The following NAV3 variants were observed in gnomAD, a reference collection of about 807,000 sequenced individuals.
The protein encoded by NAV3 is pore membrane and/or filament interacting like protein 1.
Under a neutral mutation model 244.7 loss-of-function variants are expected in NAV3, and 87 were observed. The observed-to-expected ratio is 0.36, with a 90% CI of 0.30 to 0.42. The LOEUF (loss-of-function observed/expected upper bound fraction) is 0.42, where lower values mean the gene tolerates loss of function less well. Ranked by LOEUF, NAV3 falls within the 20% of genes least tolerant of loss-of-function variation. The probability of loss-of-function intolerance (pLI) is 1.00; values close to 1 mark genes in which losing one functional copy is unlikely to be tolerated. For missense variants in NAV3, 2,663 were observed against 2,893.3 expected (o/e 0.92, Z 1.83); for synonymous variants, 1,126 against 1,042.2 (o/e 1.08, Z -1.55).
chr12:78,184,124 G>C (rs1424456423), intron 30 of NAV3, among the ~76,000 whole-genome samples: 1 of 151,742 alleles, frequency 6.6e-6, no homozygotes, highest in Non-Finnish European at 1.5e-5. Flanking sequence ...TTAGCAGAGT[G>C]CTTAAACTAT....
At position 78,059,002 on chromosome 12, in the gene NAV3, G is replaced by T; in HGVS notation, c.2523G>T (p.Met841Ile). The part of the protein sequence containing the change: ...LRTDDINSGY[M>I]TDGGLNLYTR... ...ATTAGACATTTCTTTTCAGGTACAT[G>T]ACAGATGGAGGACTTAACCTATATA... The change falls in exon 12 of 40, where the codon ATG becomes ATT. Residue 841 changes from methionine to isoleucine, a missense_variant. By Grantham distance (10) the Met-to-Ile change is conservative. This residue lies in a region of NAV3 where 1,521 missense variants were observed against 1,497.0 expected (regional missense o/e 1.02). Transcript: ENST00000397909. 6.2e-7 allele frequency: 1 copy of T among 1,600,144 alleles called. No homozygotes were observed. The highest frequency in any genetic ancestry group is 1.1e-5 in the South Asian group (1 of 88,018).
chr12:78,197,150 G>A (rs183429270), intron 34 of NAV3, 97 bp from the exon 35 acceptor site: 9 of 873,828 alleles, frequency 1.0e-5, no homozygotes, highest in Non-Finnish European at 7.8e-6. Flanking sequence ...TGAAAGAAAC[G>A]GAATAGAGGA....
intron 9 of NAV3, among the ~76,000 whole-genome samples, chr12:78,040,175 T>C (rs1020339013): frequency 3.3e-5 from 5 of 152,194 alleles, no homozygotes; most frequent in Non-Finnish European, 5.9e-5. Context: ...CATTTAGTTT[T>C]ATCTTGCCTT....
intron 2 of NAV3, among the ~76,000 whole-genome samples, chr12:77,604,876 T>C (rs190142646): frequency 1.6e-3 from 241 of 152,226 alleles, no homozygotes; most frequent in African/African-American, 5.6e-3. Flanking sequence ...CTACATTGTT[T>C]GAAAAAACTA....
intron 2 of NAV3, among the ~76,000 whole-genome samples, chr12:77,784,159 A>G (rs531105300): frequency 1.3e-5 from 2 of 152,304 alleles, no homozygotes; most frequent in South Asian, 4.1e-4. Flanking sequence ...CCACTCAGTA[A>G]CAACACTCAG....
chr12:78,012,153 T>C (rs1230640940), intron 8 of NAV3, among the ~76,000 whole-genome samples: 1 of 152,168 alleles, frequency 6.6e-6, no homozygotes, highest in Non-Finnish European at 1.5e-5. Flanking sequence ...TGTTTTTCTC[T>C]TTCAATGACC....
intron 7 of NAV3, among the ~76,000 whole-genome samples, chr12:78,000,493 T>C (rs1158199303): frequency 6.2e-5 from 9 of 146,022 alleles, no homozygotes; most frequent in Admixed American, 5.7e-4. Context: ...ATATTACACT[T>C]AAAACATTTT....
At chr12:78,181,129 T>A in intron 30 of NAV3, 84 bp downstream of exon 30, 1 of 1,266,024 alleles carries the variant, frequency 7.9e-7, no homozygotes, top group Non-Finnish European at 1.1e-6. Flanking sequence ...GAACTTTACG[T>A]ACTCTTAAAA....
At chr12:77,705,366 T>C (rs1194767428) in intron 2 of NAV3, among the ~76,000 whole-genome samples, 14 of 151,362 alleles carry the variant, frequency 9.2e-5, no homozygotes, top group Admixed American at 9.2e-4. Flanking sequence ...ATTGCACCAC[T>C]ACACTTCAGC....
intron 1 of NAV3, among the ~76,000 whole-genome samples, chr12:77,849,831 A>G (rs1023857644): frequency 6.6e-6 from 1 of 152,092 alleles, no homozygotes; most frequent in Non-Finnish European, 1.5e-5. Context: ...CCCCAATCCA[A>G]TGGTGGTCAC....
Position 78,007,011 on chromosome 12 carries a change from G to T in NAV3, c.1473G>T (p.Val491=), listed in dbSNP as rs1360477132. 2 of 1,614,010 alleles carry T rather than the reference G, an allele frequency of 1.2e-6. No homozygotes were observed. Among genetic ancestry groups the T allele is most frequent in the East Asian group, 2.2e-5 (1 of 44,886 alleles). The change falls in exon 8 of 40, where the codon GTG becomes GTT. Residue 491 remains valine (V), a synonymous_variant. Coordinates refer to ENST00000397909, the MANE Select transcript of NAV3 (RefSeq NM_001024383.2). ...CAGTCAAAGAAGAGAAGGATCAGGT[G>T]ACAGAGATGGCTCCAAAAAAGACCT... The part of the protein sequence containing the change: ...EKPVKEEKDQ[V]TEMAPKKTSK...
intron 2 of NAV3, among the ~76,000 whole-genome samples, chr12:77,755,549 TTTCC>T (rs1869101190): frequency 3.3e-5 from 2 of 60,172 alleles, no homozygotes; most frequent in Admixed American, 1.4e-4. Context: ...TTTCCTTTCC[TTTCC>T]TTTCCTTTCC....
chr12:77,993,458 G>A (rs973949699), intron 5 of NAV3, among the ~76,000 whole-genome samples: 4 of 152,186 alleles, frequency 2.6e-5, no homozygotes, highest in African/African-American at 9.7e-5. Context: ...TACTGAGGTA[G>A]TTTAGCTAGT....
intron 12 of NAV3, among the ~76,000 whole-genome samples, chr12:78,064,374 C>T (rs1884706195): frequency 6.6e-6 from 1 of 151,390 alleles, no homozygotes; most frequent in South Asian, 2.1e-4. Flanking sequence ...CCTCTGTGCT[C>T]CTGGAGACAT....
At chr12:78,171,545 A>G (rs922956552) in intron 24 of NAV3, among the ~76,000 whole-genome samples, 1 of 151,652 alleles carries the variant, frequency 6.6e-6, no homozygotes, top group African/African-American at 2.4e-5. Context: ...AACAAAAACC[A>G]TGGTTATAAA....
chr12:78,085,457 A>G (rs1357297976), intron 12 of NAV3, among the ~76,000 whole-genome samples: 2 of 152,146 alleles, frequency 1.3e-5, no homozygotes, highest in Non-Finnish European at 2.9e-5. Context: ...CCAAAAGTCA[A>G]TGAGATAGAT....
chr12:77,636,326 C>T (rs536810579), intron 2 of NAV3, among the ~76,000 whole-genome samples: 10 of 151,932 alleles, frequency 6.6e-5, no homozygotes, highest in East Asian at 5.8e-4. Context: ...ATTAGCCAGG[C>T]GTGGTGGTGG....
intron 2 of NAV3, among the ~76,000 whole-genome samples, chr12:77,753,252 A>T (rs374256258): frequency 4.6e-5 from 7 of 152,218 alleles, no homozygotes; most frequent in African/African-American, 1.7e-4. Flanking sequence ...CGCAGTGAAG[A>T]AAACTACTTA....
At chr12:77,751,229 C>G (rs533197284) in intron 2 of NAV3, among the ~76,000 whole-genome samples, 42 of 152,298 alleles carry the variant, frequency 2.8e-4, no homozygotes, top group Middle Eastern at 3.4e-3. Context: ...CTCTTATGAG[C>G]TTTTCTACTT....
Sources: gnomAD v4.1 joint callset for allele counts (sites outside exome capture counted in the v4.1 genomes callset) on GRCh38, gnomAD v4.1.1 for gene constraint, gnomAD v4.1.1 regional missense constraint, MANE v1.5 for transcripts, NCBI Gene and HGNC (gene_info 2026-07-23, HGNC 2026-07-21) for gene names.